Variants in JARID2 observed in about 807,000 individuals in gnomAD.
JARID2 encodes the protein protein Jumonji.
In JARID2, 21 loss-of-function variants were observed where a neutral mutation model predicts 125.6. That is an observed-to-expected ratio of 0.17 (90% confidence interval 0.12 to 0.24). The LOEUF (loss-of-function observed/expected upper bound fraction) is 0.24, where lower values mean the gene tolerates loss of function less well. Among genes scored for constraint, JARID2 ranks in the 10% least tolerant of loss-of-function variants. The pLI is 1.00. For synonymous variants in JARID2, 736 were observed against 661.6 expected (o/e 1.11, Z -1.73); for missense variants, 1,303 against 1,639.6 (o/e 0.79, Z 3.55).
At chr6:15,514,648 G>C (rs1771459181) in intron 16 of JARID2, among the ~76,000 whole-genome samples, 1 of 151,218 alleles carries the variant, frequency 6.6e-6, no homozygotes, top group Non-Finnish European at 1.5e-5. Context: ...CGTCAGATCA[G>C]GGCTTTGTAA....
At chr6:15,390,810 A>G (rs1764972480) in intron 2 of JARID2, among the ~76,000 whole-genome samples, 1 of 152,138 alleles carries the variant, frequency 6.6e-6, no homozygotes, top group African/African-American at 2.4e-5. Flanking sequence ...CAGCTCTGCT[A>G]GTGGAAATTG....
intron 4 of JARID2, among the ~76,000 whole-genome samples, chr6:15,459,706 TGCTG>T (rs1326935395): frequency 6.6e-6 from 1 of 152,220 alleles, no homozygotes; most frequent in Non-Finnish European, 1.5e-5. Flanking sequence ...TAAAGAGCGT[TGCTG>T]GCCTCATTGG....
chr6:15,367,437 GT>G (rs959566388), intron 1 of JARID2, among the ~76,000 whole-genome samples: 21 of 151,904 alleles, frequency 1.4e-4, no homozygotes, highest in African/African-American at 3.6e-4. Context: ...ACTAATAATA[GT>G]TTTTTTTCAT....
intron 1 of JARID2, among the ~76,000 whole-genome samples, chr6:15,273,614 T>C (rs1377426171): frequency 6.6e-6 from 1 of 152,196 alleles, no homozygotes; most frequent in African/African-American, 2.4e-5. Flanking sequence ...GGCAGAAGAA[T>C]CGCTTGAACC....
At chr6:15,494,599 G>A (rs1212179633) in intron 6 of JARID2, among the ~76,000 whole-genome samples, 5 of 151,924 alleles carry the variant, frequency 3.3e-5, no homozygotes, top group African/African-American at 4.8e-5. Context: ...TAGTAGAGAC[G>A]GGGTTTCACC....
intron 4 of JARID2, among the ~76,000 whole-genome samples, chr6:15,457,344 A>T (rs1768232798): frequency 2.0e-5 from 3 of 152,162 alleles, no homozygotes; most frequent in Non-Finnish European, 4.4e-5. Flanking sequence ...TAACCTTCTT[A>T]CACCTGCATC....
At chr6:15,502,662 C>T (rs536985076) in intron 8 of JARID2, among the ~76,000 whole-genome samples, 32 of 152,322 alleles carry the variant, frequency 2.1e-4, no homozygotes, top group African/African-American at 7.0e-4. Context: ...CACTTTAAGT[C>T]CAGGCCCTGC....
At chr6:15,300,362 G>A (rs1272563019) in intron 1 of JARID2, among the ~76,000 whole-genome samples, 1 of 152,130 alleles carries the variant, frequency 6.6e-6, no homozygotes, top group Non-Finnish European at 1.5e-5. Flanking sequence ...GAAGGGCATG[G>A]GAGTAGAAGG....
At chr6:15,298,935 C>G (rs1425580057) in intron 1 of JARID2, among the ~76,000 whole-genome samples, 1 of 143,126 alleles carries the variant, frequency 7.0e-6, no homozygotes, top group African/African-American at 2.6e-5. Flanking sequence ...CACTAGCAAA[C>G]TAGAACAAGA....
chr6:15,300,379 T>G (rs997703466), intron 1 of JARID2, among the ~76,000 whole-genome samples: 1 of 152,116 alleles, frequency 6.6e-6, no homozygotes, highest in Non-Finnish European at 1.5e-5. Flanking sequence ...AAGGGATCAT[T>G]CCCCTGCAAT....
chr6:15,377,385 C>T (rs1339161562), intron 2 of JARID2, among the ~76,000 whole-genome samples: 1 of 152,126 alleles, frequency 6.6e-6, no homozygotes, highest in Non-Finnish European at 1.5e-5. Context: ...CTCCTGGGTC[C>T]CTCCCACAAC....
intron 4 of JARID2, among the ~76,000 whole-genome samples, chr6:15,462,020 A>C (rs1232692886): frequency 6.6e-6 from 1 of 152,114 alleles, no homozygotes; most frequent in Admixed American, 6.5e-5. Context: ...CTGCTTCCCT[A>C]TCTCTGCTAC....
At chr6:15,278,851 T>G in intron 1 of JARID2, among the ~76,000 whole-genome samples, 1 of 152,148 alleles carries the variant, frequency 6.6e-6, no homozygotes, top group East Asian at 1.9e-4. Flanking sequence ...GGCAGATCAC[T>G]TGAGGTCAGG....
At chr6:15,358,188 A>T (rs1009315700) in intron 1 of JARID2, among the ~76,000 whole-genome samples, 5 of 152,184 alleles carry the variant, frequency 3.3e-5, no homozygotes, top group South Asian at 2.1e-4. Flanking sequence ...GCTTTAAAAA[A>T]TTTTTTGTTT....
At chr6:15,300,532 T>G (rs1761569204) in intron 1 of JARID2, among the ~76,000 whole-genome samples, 2 of 152,188 alleles carry the variant, frequency 1.3e-5, no homozygotes, top group African/African-American at 2.4e-5. Context: ...TTGCAAGGCC[T>G]TCTTTAACCG....
Position 15,467,632 on chromosome 6 carries a change from A to G in JARID2, c.494-910A>G, listed in dbSNP as rs550214594. 3.3e-5 allele frequency among the ~76,000 whole-genome samples: 5 copies of G among 151,958 alleles called. No individual in the cohort carries two copies. In the South Asian group the frequency reaches 1.0e-3, roughly 32 times the overall value. On this transcript the variant is annotated intron_variant, in intron 4 of 17. Transcript: ENST00000341776. The stretch of plus-strand genomic sequence containing the variant: ...CAAGGCAGGAGGATTGCTTGAGTCC[A>G]GAAATTTCAGACCAACCTGGGCAAC...
intron 1 of JARID2, among the ~76,000 whole-genome samples, chr6:15,328,822 G>A (rs548165995): frequency 6.6e-6 from 1 of 152,184 alleles, no homozygotes; most frequent in Non-Finnish European, 1.5e-5. Flanking sequence ...TATTATTGCT[G>A]CAGGAAGGGT....
chr6:15,372,897 T>C (rs909199025), intron 1 of JARID2, among the ~76,000 whole-genome samples: 2 of 151,990 alleles, frequency 1.3e-5, no homozygotes, highest in African/African-American at 4.8e-5. Context: ...TTAGTAGAGA[T>C]GGGATTTCAC....
intron 2 of JARID2, among the ~76,000 whole-genome samples, chr6:15,391,595 G>A (rs1199621299): frequency 6.6e-6 from 1 of 152,210 alleles, no homozygotes; most frequent in African/African-American, 2.4e-5. Context: ...GCTGTGTTAT[G>A]CAACCATTCA....
Sources: allele counts gnomAD v4.1 joint callset (sites outside exome capture counted in the v4.1 genomes callset), GRCh38; gene constraint gnomAD v4.1.1; transcripts MANE v1.5; gene names NCBI Gene and HGNC (gene_info 2026-07-23, HGNC 2026-07-21).